Variants in FBXO11 observed in about 807,000 individuals in gnomAD.
FBXO11 encodes F-box protein 11, also known as F-box only protein 11.
Under a neutral mutation model 117.0 loss-of-function variants are expected in FBXO11, and 13 were observed. The observed-to-expected ratio is 0.11, with a 90% CI of 0.07 to 0.18. The LOEUF is 0.18. FBXO11 is among the 10% of genes least tolerant of loss of function. The probability of loss-of-function intolerance (pLI) is 1.00; values close to 1 mark genes in which losing one functional copy is unlikely to be tolerated. For missense variants in FBXO11, 767 were observed against 1,164.4 expected, an observed-to-expected ratio of 0.66 and a Z score of 4.97; for synonymous variants, 490 against 380.5, an observed-to-expected ratio of 1.29 and a Z score of -3.35.
chr2:47,874,867 CTTTTTT>C (rs377037169), intron 1 of FBXO11, among the ~76,000 whole-genome samples: 1 of 128,898 alleles, frequency 7.8e-6, no homozygotes, highest in Admixed American at 8.0e-5. Context: ...TGTCTCAGGA[CTTTTTT>C]TTTTTTTTTT....
chr2:47,821,079 T>C (rs997888386), intron 13 of FBXO11, among the ~76,000 whole-genome samples: 8 of 152,374 alleles, frequency 5.3e-5, no homozygotes, highest in Admixed American at 1.3e-4. Context: ...AGTGAAACTA[T>C]GGAAACTGCA....
intron 13 of FBXO11, among the ~76,000 whole-genome samples, chr2:47,821,616 A>G (rs1403110317): frequency 6.8e-6 from 1 of 148,004 alleles, no homozygotes; most frequent in Admixed American, 6.7e-5. Flanking sequence ...TCTCAAAAGA[A>G]AAAAAAAAAA....
At chr2:47,898,800 A>G (rs934266588) in intron 1 of FBXO11, among the ~76,000 whole-genome samples, 2 of 152,346 alleles carry the variant, frequency 1.3e-5, no homozygotes, top group African/African-American at 4.8e-5. Flanking sequence ...GCATCCCCTG[A>G]AAGTTATACA....
At chr2:47,880,129 G>C (rs1457323126) in intron 1 of FBXO11, among the ~76,000 whole-genome samples, 23 of 151,824 alleles carry the variant, frequency 1.5e-4, no homozygotes, top group Non-Finnish European at 1.5e-5. Flanking sequence ...CCGAGTTGCT[G>C]GGACCACAGG....
intron 1 of FBXO11, among the ~76,000 whole-genome samples, chr2:47,892,353 TTC>T (rs1019044243): frequency 4.6e-5 from 7 of 152,248 alleles, no homozygotes; most frequent in African/African-American, 1.7e-4. Context: ...AGGGTATATT[TTC>T]TGTTTCATTG....
intron 1 of FBXO11, among the ~76,000 whole-genome samples, chr2:47,897,495 G>C (rs1188575375): frequency 6.6e-6 from 1 of 152,126 alleles, no homozygotes; most frequent in Non-Finnish European, 1.5e-5. Flanking sequence ...TCATGAGTTT[G>C]AGATCAGCTT....
At chr2:47,866,929 A>C (rs1173584924) in intron 1 of FBXO11, among the ~76,000 whole-genome samples, 2 of 152,306 alleles carry the variant, frequency 1.3e-5, no homozygotes, top group East Asian at 3.9e-4. Context: ...TGACTCTGCA[A>C]AATGTTTTGT....
intron 1 of FBXO11, among the ~76,000 whole-genome samples, chr2:47,869,488 A>G (rs1408935922): frequency 3.3e-5 from 5 of 152,244 alleles, no homozygotes; most frequent in African/African-American, 4.8e-5. Flanking sequence ...CTCTCTTAGC[A>G]GTACCATGCC....
intron 1 of FBXO11, among the ~76,000 whole-genome samples, chr2:47,855,420 A>G (rs1038134025): frequency 5.3e-5 from 8 of 151,886 alleles, no homozygotes; most frequent in Admixed American, 3.3e-4. Context: ...TTTTATCTCC[A>G]AGACTATTTA....
At chr2:47,824,969 T>A (rs947295618) in intron 11 of FBXO11, among the ~76,000 whole-genome samples, 7 of 152,236 alleles carry the variant, frequency 4.6e-5, no homozygotes, top group Non-Finnish European at 7.3e-5. Context: ...TGCCTTATAT[T>A]ATTTCGATAT....
At chr2:47,814,684 G>A (rs1670888000) in intron 16 of FBXO11, among the ~76,000 whole-genome samples, 1 of 152,016 alleles carries the variant, frequency 6.6e-6, no homozygotes, top group Non-Finnish European at 1.5e-5. Flanking sequence ...TGACCAACTG[G>A]CAATCTCTTA....
chr2:47,880,223 C>T (rs1676338784), intron 1 of FBXO11, among the ~76,000 whole-genome samples: 1 of 152,118 alleles, frequency 6.6e-6, no homozygotes, highest in Non-Finnish European at 1.5e-5. Context: ...TCTCAAACTC[C>T]TTGGCTCAGG....
intron 16 of FBXO11, among the ~76,000 whole-genome samples, chr2:47,815,040 T>C (rs1426393737): frequency 6.6e-6 from 1 of 152,204 alleles, no homozygotes; most frequent in African/African-American, 2.4e-5. Context: ...CTAATTCTAC[T>C]TCTCTTGCAA....
At chr2:47,888,261 G>A (rs1434726336) in intron 1 of FBXO11, among the ~76,000 whole-genome samples, 1 of 152,064 alleles carries the variant, frequency 6.6e-6, no homozygotes, top group Non-Finnish European at 1.5e-5. Context: ...ACCAGAACAG[G>A]TAACATTATC....
At chr2:47,808,898 T>C (rs1490042454) in intron 21 of FBXO11, 3 of 338,666 alleles carry the variant, frequency 8.9e-6, no homozygotes, top group East Asian at 5.5e-5. Context: ...GGTCTCCCTA[T>C]GTTGCCCAGG....
chr2:47,809,675 G>C lies in FBXO11; in HGVS notation c.2371C>G (p.Leu791Val), dbSNP rs1486654849. ...IEITNHATAT[L>V]EGNQIFNNRF... ...TTGTTAAAAATCTGATTGCCTTCTA[G>C]TGTTGCAGTTGCGTGATTTGTAATT... Residue 791 changes from leucine (L) to valine (V), a missense_variant, in exon 20 of 23, where the codon CTA becomes GTA. Coordinates refer to ENST00000403359, the MANE Select transcript of FBXO11 (RefSeq NM_001190274.2). 3.1e-6 allele frequency: 5 copies of C among 1,613,404 alleles called. No homozygotes were observed. In the African/African-American group the frequency reaches 4.0e-5, roughly 13 times the overall value.
chr2:47,863,078 AACAAAAAC>A (rs1385502046), intron 1 of FBXO11, among the ~76,000 whole-genome samples: 1 of 148,480 alleles, frequency 6.7e-6, no homozygotes, highest in Non-Finnish European at 1.5e-5. Context: ...AAAACAAAAA[AACAAAAAC>A]AAAACAAAAA....
chr2:47,825,610 C>T (rs1160922915), intron 11 of FBXO11, among the ~76,000 whole-genome samples: 1 of 131,978 alleles, frequency 7.6e-6, no homozygotes, highest in African/African-American at 2.9e-5. Context: ...GACAGGCTCT[C>T]ACTCTGTTGT....
chr2:47,875,971 T>A (rs1049322397), intron 1 of FBXO11, among the ~76,000 whole-genome samples: 1 of 152,218 alleles, frequency 6.6e-6, no homozygotes, highest in Admixed American at 6.5e-5. Flanking sequence ...AGTGGCTTTA[T>A]ATGTATTTCA....
Sources: gnomAD v4.1 joint callset for allele counts (sites outside exome capture counted in the v4.1 genomes callset) on GRCh38, gnomAD v4.1.1 for gene constraint, MANE v1.5 for transcripts, NCBI Gene and HGNC (gene_info 2026-07-23, HGNC 2026-07-21) for gene names.